Variants in SLC8A1 observed in about 807,000 individuals in gnomAD.
SLC8A1 encodes the protein sodium/calcium exchanger 1.
A neutral mutation model predicts 68.3 loss-of-function variants in SLC8A1; 18 were observed. The ratio of observed to expected loss-of-function variants is 0.26; its 90% CI spans 0.18 to 0.39. The LOEUF is 0.39. SLC8A1 is among the 10% of genes least tolerant of loss of function. SLC8A1 has a pLI of 1.00. For synonymous variants in SLC8A1, 475 were observed against 415.5 expected (o/e 1.14, Z -1.74); for missense variants, 985 against 1,156.7 (o/e 0.85, Z 2.15).
intron 6 of SLC8A1, among the ~76,000 whole-genome samples, chr2:40,155,352 A>G (rs1183084329): frequency 6.6e-6 from 1 of 152,064 alleles, no homozygotes; most frequent in Non-Finnish European, 1.5e-5. Context: ...GATGGTCTCC[A>G]TCTCCTGACC....
intron 2 of SLC8A1, among the ~76,000 whole-genome samples, chr2:40,204,396 C>T (rs1394062128): frequency 6.6e-6 from 1 of 151,956 alleles, no homozygotes; most frequent in Non-Finnish European, 1.5e-5. Context: ...ATGTTTCCAC[C>T]CCAGTTGAGA....
intron 2 of SLC8A1, among the ~76,000 whole-genome samples, chr2:40,390,703 C>T (rs1207390991): frequency 6.6e-6 from 1 of 152,038 alleles, no homozygotes; most frequent in Non-Finnish European, 1.5e-5. Flanking sequence ...GAGGCTTCTG[C>T]CATGTTTTTT....
intron 1 of SLC8A1, among the ~76,000 whole-genome samples, chr2:40,477,893 T>G (rs539476167): frequency 2.2e-3 from 331 of 152,260 alleles, no homozygotes; most frequent in Middle Eastern, 3.4e-3. Flanking sequence ...GACTTGGTAC[T>G]TTTTAGGAGC....
At chr2:40,441,101 G>T (rs1700395991) in intron 1 of SLC8A1, among the ~76,000 whole-genome samples, 1 of 152,100 alleles carries the variant, frequency 6.6e-6, no homozygotes, top group East Asian at 1.9e-4. Context: ...AAATGGATGT[G>T]CAAATATCCC....
chr2:40,145,412 T>C (rs1215728028), intron 6 of SLC8A1, among the ~76,000 whole-genome samples: 1 of 152,182 alleles, frequency 6.6e-6, no homozygotes, highest in Non-Finnish European at 1.5e-5. Flanking sequence ...TTTGGGAAAG[T>C]GGCCTGAATC....
At chr2:40,174,086 G>C (rs1266698275) in intron 4 of SLC8A1, among the ~76,000 whole-genome samples, 1 of 152,068 alleles carries the variant, frequency 6.6e-6, no homozygotes, top group Non-Finnish European at 1.5e-5. Flanking sequence ...TATGCTTCAA[G>C]TGGCAGAAAT....
intron 1 of SLC8A1, among the ~76,000 whole-genome samples, chr2:40,499,513 A>G (rs890086946): frequency 1.3e-5 from 2 of 152,086 alleles, no homozygotes; most frequent in African/African-American, 4.8e-5. Flanking sequence ...AGAGAATTAG[A>G]GAGATATTCT....
intron 1 of SLC8A1, among the ~76,000 whole-genome samples, chr2:40,462,156 A>C (rs1017474790): frequency 1.5e-4 from 22 of 151,270 alleles, no homozygotes; most frequent in African/African-American, 5.1e-4. Context: ...ACAGGCATGC[A>C]CCACCACACC....
At chr2:40,438,980 C>G (rs1699992941) in intron 1 of SLC8A1, among the ~76,000 whole-genome samples, 1 of 152,054 alleles carries the variant, frequency 6.6e-6, no homozygotes, top group Non-Finnish European at 1.5e-5. Context: ...AGTGTTTGTT[C>G]TAATATCAGT....
chr2:40,377,169 C>T (rs1680169729), intron 2 of SLC8A1, among the ~76,000 whole-genome samples: 2 of 152,030 alleles, frequency 1.3e-5, no homozygotes, highest in Admixed American at 1.3e-4. Flanking sequence ...AATCAGGTAA[C>T]CCATTAAGAA....
intron 2 of SLC8A1, among the ~76,000 whole-genome samples, chr2:40,183,299 A>G (rs995876642): frequency 6.6e-6 from 1 of 152,226 alleles, no homozygotes; most frequent in Non-Finnish European, 1.5e-5. Flanking sequence ...ACTTTAAAGG[A>G]TCTGGATCAT....
At chr2:40,240,992 T>C (rs1251745947) in intron 2 of SLC8A1, among the ~76,000 whole-genome samples, 1 of 152,166 alleles carries the variant, frequency 6.6e-6, no homozygotes, top group Non-Finnish European at 1.5e-5. Flanking sequence ...GCAATCCCAT[T>C]ATTGGGTATA....
chr2:40,340,412 T>G (rs112474849), intron 2 of SLC8A1, among the ~76,000 whole-genome samples: 8,150 of 152,078 alleles, frequency 0.054, 288 homozygotes, highest in African/African-American at 0.096. Flanking sequence ...AATACAAAAA[T>G]TAGCTGGGCA....
intron 2 of SLC8A1, among the ~76,000 whole-genome samples, chr2:40,385,934 A>G (rs1575943633): frequency 6.6e-6 from 1 of 151,084 alleles, no homozygotes; most frequent in East Asian, 1.9e-4. Flanking sequence ...TGAGAGGTAG[A>G]AAGAACATTC....
At chr2:40,335,652 G>T (rs1665726474) in intron 2 of SLC8A1, among the ~76,000 whole-genome samples, 1 of 152,198 alleles carries the variant, frequency 6.6e-6, no homozygotes, top group Non-Finnish European at 1.5e-5. Flanking sequence ...AACAGAAATG[G>T]GTGTTTTCCA....
intron 2 of SLC8A1, among the ~76,000 whole-genome samples, chr2:40,370,377 T>G (rs930985847): frequency 6.6e-5 from 10 of 152,032 alleles, no homozygotes; most frequent in Admixed American, 3.3e-4. Flanking sequence ...CTCCCCAACT[T>G]CTTATATAGC....
rs527719435 is a variant in SLC8A1, at chr2:40,319,616, T to C, written c.1808+108857A>G. 3.9e-5 allele frequency among the ~76,000 whole-genome samples: 6 copies of C among 152,172 alleles called. 1 individual carries two copies. The South Asian group carries it at 6.2e-4, about 16-fold the overall frequency. ...CAGCACATCTCATACTCCCATATAT[T>C]ATATATGAGCAGTTCCGCCTGTCAC... On this transcript the variant is annotated intron_variant, in intron 2 of 7. Coordinates refer to ENST00000406785, the Ensembl canonical transcript of SLC8A1.
At chr2:40,144,356 A>C (rs2148323657) in intron 6 of SLC8A1, among the ~76,000 whole-genome samples, 1 of 152,356 alleles carries the variant, frequency 6.6e-6, no homozygotes, top group East Asian at 1.9e-4. Flanking sequence ...ATACATATGA[A>C]GATCCTGAAG....
At chr2:40,249,881 G>T (rs1365576863) in intron 2 of SLC8A1, among the ~76,000 whole-genome samples, 2 of 151,936 alleles carry the variant, frequency 1.3e-5, no homozygotes, top group Non-Finnish European at 1.5e-5. Context: ...TCAATTTGCA[G>T]ATTTTAATTG....
Sources: gnomAD v4.1 joint callset for allele counts (sites outside exome capture counted in the v4.1 genomes callset) on GRCh38, gnomAD v4.1.1 for gene constraint, MANE v1.5 for transcripts, NCBI Gene and HGNC (gene_info 2026-07-23, HGNC 2026-07-21) for gene names.